ATP1B3: variants seen among roughly 807,000 people sequenced by gnomAD.
ATP1B3 encodes the protein ATPase Na+/K+ transporting subunit beta 3, also known as sodium/potassium-transporting ATPase subunit beta-3.
ATP1B3 carries 10 observed loss-of-function variants against 30.2 expected under a neutral mutation model. That is an observed-to-expected ratio of 0.33 (90% CI 0.20 to 0.56). ATP1B3 has a LOEUF of 0.56. Ranked by LOEUF, ATP1B3 falls within the 20% of genes least tolerant of loss-of-function variation. The probability of loss-of-function intolerance (pLI) is 0.90; values close to 1 mark genes in which losing one functional copy is unlikely to be tolerated. For synonymous variants in ATP1B3, 113 were observed against 117.0 expected (o/e 0.97, Z 0.22); for missense variants, 238 against 336.7 (o/e 0.71, Z 2.29).
At chr3:141,904,549 C>A (rs542432271) in intron 2 of ATP1B3, among the ~76,000 whole-genome samples, 5 of 151,960 alleles carry the variant, frequency 3.3e-5, no homozygotes, top group African/African-American at 1.2e-4. Flanking sequence ...AATGATACCT[C>A]ATAGAGAACA....
intron 1 of ATP1B3, among the ~76,000 whole-genome samples, chr3:141,893,172 CT>C (rs1307090620): frequency 6.6e-6 from 1 of 152,046 alleles, no homozygotes; most frequent in Non-Finnish European, 1.5e-5. Context: ...CCACACCTGA[CT>C]AATTTTTTTA....
chr3:141,901,290 A>G (rs1473443674), intron 1 of ATP1B3, among the ~76,000 whole-genome samples: 1 of 152,242 alleles, frequency 6.6e-6, no homozygotes, highest in African/African-American at 2.4e-5. Flanking sequence ...TTAGAGCCCC[A>G]TCAGCAAACT....
chr3:141,891,621 T>G (rs1473523756), intron 1 of ATP1B3, among the ~76,000 whole-genome samples: 1 of 152,158 alleles, frequency 6.6e-6, no homozygotes, highest in Non-Finnish European at 1.5e-5. Flanking sequence ...GTCCATTAAC[T>G]TGTGTTTTCA....
chr3:141,903,569 T>TAC (rs756035583), intron 1 of ATP1B3, 51 bp from the exon 2 acceptor site: 84 of 1,602,178 alleles, frequency 5.2e-5, no homozygotes, highest in African/African-American at 3.9e-4. Context: ...CAAACATGCA[T>TAC]ACACACACAC....
At chr3:141,905,938 A>G (rs1024777006) in intron 2 of ATP1B3, among the ~76,000 whole-genome samples, 22 of 152,016 alleles carry the variant, frequency 1.4e-4, no homozygotes, top group Admixed American at 9.8e-4. Context: ...ATATACATGC[A>G]TACACATGTA....
At chr3:141,885,137 C>T (rs138560542) in intron 1 of ATP1B3, among the ~76,000 whole-genome samples, 1,599 of 152,278 alleles carry the variant, frequency 0.011, 18 homozygotes, top group Non-Finnish European at 0.011. Flanking sequence ...ACTATCCTGT[C>T]GTCTAGGCTC....
At chr3:141,893,056 AG>A (rs1296994489) in intron 1 of ATP1B3, among the ~76,000 whole-genome samples, 1 of 152,122 alleles carries the variant, frequency 6.6e-6, no homozygotes, top group Non-Finnish European at 1.5e-5. Flanking sequence ...GCTGGAGTGC[AG>A]TGGTGCCGTT....
chr3:141,890,759 G>T (rs147719112), intron 1 of ATP1B3, among the ~76,000 whole-genome samples: 2 of 151,842 alleles, frequency 1.3e-5, no homozygotes, highest in East Asian at 3.9e-4. Flanking sequence ...TTTTAGTAGA[G>T]ACTGGGTTTT....
chr3:141,925,760 G>A lies in ATP1B3; in HGVS notation c.*59G>A. 4 of 1,555,072 alleles carry A rather than the reference G, an allele frequency of 2.6e-6. No homozygotes were observed. The highest frequency in any genetic ancestry group is 3.5e-6 in the Non-Finnish European group (4 of 1,149,280). On this transcript the variant is annotated 3_prime_UTR_variant, in exon 7 of 7. Transcript: ENST00000286371. ...TGTTGTCTGTCTTCATTTTGTAACA[G>A]CTGGACCTTCCATTCTAGAATTATG...
intron 1 of ATP1B3, among the ~76,000 whole-genome samples, chr3:141,881,550 A>G (rs1559863826): frequency 6.6e-6 from 1 of 152,208 alleles, no homozygotes. Flanking sequence ...GGGAGAAGGC[A>G]GATGTGTTTG....
chr3:141,876,951 C>A (rs1240835253), intron 1 of ATP1B3, 41 bp downstream of exon 1: 2 of 1,475,740 alleles, frequency 1.4e-6, no homozygotes, highest in Non-Finnish European at 1.8e-6. Flanking sequence ...CGGCCTCGGT[C>A]CCGGGGGCGC....
At chr3:141,893,914 A>G (rs764432107) in intron 1 of ATP1B3, among the ~76,000 whole-genome samples, 15 of 152,186 alleles carry the variant, frequency 9.9e-5, no homozygotes, top group African/African-American at 2.4e-5. Flanking sequence ...TTGTGCAGAC[A>G]TTATAAAGTG....
chr3:141,922,901 G>A (rs980650363), intron 6 of ATP1B3, among the ~76,000 whole-genome samples: 6 of 152,198 alleles, frequency 3.9e-5, no homozygotes, highest in African/African-American at 1.2e-4. Context: ...GGGAGTCGGA[G>A]GTTACAGTGA....
chr3:141,907,310 T>C (rs1405185907), intron 3 of ATP1B3, 36 bp downstream of exon 3: 3 of 1,557,310 alleles, frequency 1.9e-6, no homozygotes, highest in Non-Finnish European at 2.6e-6. Context: ...TCAGAGATTT[T>C]AGTTATAGAA....
intron 3 of ATP1B3, among the ~76,000 whole-genome samples, chr3:141,907,959 A>G (rs575817716): frequency 1.0e-3 from 147 of 147,038 alleles, no homozygotes; most frequent in African/African-American, 3.4e-3. Context: ...TTTTTTTGCC[A>G]TTTTATTTTA....
intron 1 of ATP1B3, among the ~76,000 whole-genome samples, chr3:141,879,777 T>TCCAAAAAAAAAAAAAA (rs1933684667): frequency 1.7e-5 from 1 of 58,842 alleles, no homozygotes; most frequent in Non-Finnish European, 3.4e-5. Flanking sequence ...AGTCTCCATC[T>TCCAAAAAAAAAAAAAA]CAAAAAAAAA....
intron 1 of ATP1B3, among the ~76,000 whole-genome samples, chr3:141,882,598 T>A (rs1933749310): frequency 6.6e-6 from 1 of 152,202 alleles, no homozygotes; most frequent in South Asian, 2.1e-4. Context: ...TGTTTTGTTT[T>A]TTGAGATAGA....
At position 141,925,855 on chromosome 3, in the gene ATP1B3, T is replaced by C; in HGVS notation, c.*154T>C. ...ATCATAACGTGCTTCCAGATCATAGTGTTCAGTGTCCTCTGAAGTAACTGC... is the reference window on the plus strand; with the variant it reads ...ATCATAACGTGCTTCCAGATCATAGCGTTCAGTGTCCTCTGAAGTAACTGC... On this transcript the variant is annotated 3_prime_UTR_variant, in exon 7 of 7. Transcript: ENST00000286371. 3 of 947,128 alleles carry C rather than the reference T, an allele frequency of 3.2e-6. No homozygotes were observed. Among genetic ancestry groups the C allele is most frequent in the South Asian group, 1.7e-5 (1 of 57,160 alleles). The allele number at this position is 947,128 out of a possible 1,614,324, so 58.7% of individuals were successfully genotyped here. A position where few individuals can be genotyped will look rare whatever the true frequency, so the allele number is the denominator to read the frequency against.
intron 1 of ATP1B3, among the ~76,000 whole-genome samples, chr3:141,877,893 A>G (rs1402265524): frequency 1.3e-5 from 2 of 150,546 alleles, no homozygotes; most frequent in African/African-American, 2.5e-5. Flanking sequence ...ATCCTTTTGA[A>G]ACATTTTGTT....
Sources: allele counts gnomAD v4.1 joint callset (sites outside exome capture counted in the v4.1 genomes callset), GRCh38; gene constraint gnomAD v4.1.1; transcripts MANE v1.5; gene names NCBI Gene and HGNC (gene_info 2026-07-23, HGNC 2026-07-21).